Variants in CFTR observed in about 807,000 individuals in gnomAD.
The protein encoded by CFTR is CF transmembrane conductance regulator.
In CFTR, 181 loss-of-function variants were observed where a neutral mutation model predicts 171.6. The observed-to-expected ratio is 1.05, with a 90% CI of 0.93 to 1.19. The LOEUF is 1.19. CFTR is among the 50% of genes most tolerant of loss of function. CFTR has a pLI of 0.00. For synonymous variants in CFTR, 583 were observed against 608.0 expected (o/e 0.96, Z 0.60); for missense variants, 1,968 against 1,734.7 (o/e 1.13, Z -2.39).
intron 1 of CFTR, among the ~76,000 whole-genome samples, chr7:117,503,355 A>G (rs1432929596): frequency 2.6e-5 from 4 of 152,182 alleles, no homozygotes; most frequent in Admixed American, 2.6e-4. Context: ...TCTTTAATAA[A>G]TATATTCAAT....
intron 14 of CFTR, among the ~76,000 whole-genome samples, chr7:117,593,097 A>G (rs1003670103): frequency 2.9e-4 from 44 of 152,326 alleles, no homozygotes; most frequent in African/African-American, 1.1e-3. Flanking sequence ...TGATAGGACT[A>G]ACTCACATTC....
rs1791535942 is a variant in CFTR, at chr7:117,562,748, G to T, written c.1584+3093G>T. ...GTGCTGAGCTAGAGGTACCCTTAGGGCACTACAGAAGCCTAGCTGATGGCT... is the reference window on the plus strand; with the variant it reads ...GTGCTGAGCTAGAGGTACCCTTAGGTCACTACAGAAGCCTAGCTGATGGCT... On this transcript the variant is annotated intron_variant, in intron 11 of 26. Coordinates refer to ENST00000003084, the MANE Select transcript of CFTR (RefSeq NM_000492.4). Among the ~76,000 whole-genome samples the T allele has an allele frequency of 2.0e-5, 3 of 152,124 alleles. No individual in the cohort carries two copies. In the South Asian group the frequency reaches 6.2e-4, roughly 31 times the overall value.
At chr7:117,602,780 G>A (rs1331854525) in intron 15 of CFTR, 46 bp from the exon 16 acceptor site, 3 of 1,553,262 alleles carry the variant, frequency 1.9e-6, no homozygotes, top group African/African-American at 1.4e-5. Context: ...GGAGGAATAG[G>A]TGAAGATGTT....
chr7:117,515,317 T>C (rs578245526), intron 3 of CFTR, among the ~76,000 whole-genome samples: 1 of 152,334 alleles, frequency 6.6e-6, no homozygotes, highest in East Asian at 1.9e-4. Flanking sequence ...CATCTTGAGT[T>C]AATTTTTGTA....
At chr7:117,607,273 G>T (rs1018223423) in intron 18 of CFTR, among the ~76,000 whole-genome samples, 1 of 152,124 alleles carries the variant, frequency 6.6e-6, no homozygotes, top group Admixed American at 6.5e-5. Flanking sequence ...AGAGGGGAAA[G>T]AAAAAATCTA....
At chr7:117,516,324 G>T (rs575597375) in intron 3 of CFTR, among the ~76,000 whole-genome samples, 56 of 152,134 alleles carry the variant, frequency 3.7e-4, no homozygotes, top group South Asian at 2.1e-4. Flanking sequence ...CACTTATCTG[G>T]ACCTCAGTTT....
At chr7:117,615,360 C>A (rs947204534) in intron 21 of CFTR, among the ~76,000 whole-genome samples, 1 of 151,864 alleles carries the variant, frequency 6.6e-6, no homozygotes, top group Non-Finnish European at 1.5e-5. Flanking sequence ...TGAAAAGAAG[C>A]TTTTAAGTTT....
rs779528411 is a variant in CFTR at position 117,603,734 on chromosome 7, C to T, written c.2860C>T (p.His954Tyr). The T allele has an allele frequency of 3.7e-6, 6 of 1,613,904 alleles. No homozygotes were observed. The highest frequency in any genetic ancestry group is 3.3e-5 in the Admixed American group (2 of 59,972). ...VSKILHHKMLHSVLQAPMSTL... is the reference protein window; with the variant it reads ...VSKILHHKMLYSVLQAPMSTL... ...GAAAATTTTACACCACAAAATGTTA[C>T]ATTCTGTTCTTCAAGCACCTATGTC... Residue 954 changes from histidine (H) to tyrosine (Y), a missense_variant, in exon 17 of 27, where the codon CAT becomes TAT. Coordinates refer to ENST00000003084, the MANE Select transcript of CFTR (RefSeq NM_000492.4).
intron 1 of CFTR, among the ~76,000 whole-genome samples, chr7:117,490,851 A>G (rs760850364): frequency 6.6e-6 from 1 of 152,050 alleles, no homozygotes; most frequent in Non-Finnish European, 1.5e-5. Context: ...AATTAGACCC[A>G]GTGCTTTCTC....
intron 11 of CFTR, among the ~76,000 whole-genome samples, chr7:117,583,996 GC>G: frequency 6.6e-6 from 1 of 151,812 alleles, no homozygotes; most frequent in African/African-American, 2.4e-5. Context: ...TCTGTCCTTT[GC>G]CCACTTTTTG....
intron 4 of CFTR, among the ~76,000 whole-genome samples, chr7:117,533,559 A>G (rs1386622504): frequency 6.6e-6 from 1 of 152,146 alleles, no homozygotes; most frequent in Non-Finnish European, 1.5e-5. Flanking sequence ...TGAGGGATTC[A>G]CTTGAAACTA....
At chr7:117,529,693 G>C (rs1023267593) in intron 3 of CFTR, among the ~76,000 whole-genome samples, 2 of 152,040 alleles carry the variant, frequency 1.3e-5, no homozygotes, top group Non-Finnish European at 2.9e-5. Context: ...GATGTAGAAA[G>C]CATGGTCATC....
At chr7:117,660,505 C>T (rs962492936) in intron 24 of CFTR, among the ~76,000 whole-genome samples, 1 of 151,906 alleles carries the variant, frequency 6.6e-6, no homozygotes, top group Non-Finnish European at 1.5e-5. Flanking sequence ...GTGGCAGGCA[C>T]TGTAATCCCA....
chr7:117,486,609 GGC>G (rs1172545886), intron 1 of CFTR, among the ~76,000 whole-genome samples: 1 of 151,880 alleles, frequency 6.6e-6, no homozygotes, highest in Admixed American at 6.6e-5. Context: ...AAGTAAGCAT[GGC>G]ACCTTCAAAA....
intron 11 of CFTR, among the ~76,000 whole-genome samples, chr7:117,569,306 G>A (rs935426267): frequency 5.3e-5 from 8 of 152,106 alleles, no homozygotes; most frequent in African/African-American, 1.9e-4. Flanking sequence ...CATTATGGAA[G>A]GGAAGAAGAG....
At chr7:117,547,863 G>T (rs1799188401) in intron 9 of CFTR, among the ~76,000 whole-genome samples, 1 of 152,178 alleles carries the variant, frequency 6.6e-6, no homozygotes, top group Admixed American at 6.5e-5. Context: ...CAGGAGAAAT[G>T]ATAGGTTCTC....
chr7:117,501,483 C>T (rs766572405), intron 1 of CFTR, among the ~76,000 whole-genome samples: 3 of 151,916 alleles, frequency 2.0e-5, no homozygotes, highest in Non-Finnish European at 2.9e-5. Flanking sequence ...CACTGGCTCA[C>T]GTCTGTAATC....
chr7:117,626,369 C>G (rs1392997808), intron 21 of CFTR, among the ~76,000 whole-genome samples: 1 of 151,994 alleles, frequency 6.6e-6, no homozygotes, highest in African/African-American at 2.4e-5. Context: ...CACTTTTGCC[C>G]ACATTTTTTT....
intron 15 of CFTR, among the ~76,000 whole-genome samples, chr7:117,595,727 T>A (rs960330340): frequency 1.3e-4 from 20 of 151,852 alleles, no homozygotes; most frequent in Non-Finnish European, 1.8e-4. Context: ...TACAAAATAA[T>A]TAAAAAATTA....
Sources: gnomAD v4.1 joint callset for allele counts (sites outside exome capture counted in the v4.1 genomes callset) on GRCh38, gnomAD v4.1.1 for gene constraint, MANE v1.5 for transcripts, NCBI Gene and HGNC (gene_info 2026-07-23, HGNC 2026-07-21) for gene names.